The following MALT1 variants were observed in gnomAD, a reference collection of about 807,000 sequenced individuals.
MALT1 encodes the protein MALT1 paracaspase.
MALT1 carries 36 observed loss-of-function variants against 85.5 expected under a neutral mutation model. The ratio of observed to expected loss-of-function variants is 0.42; its 90% CI spans 0.32 to 0.56. The LOEUF is 0.56. Ranked by LOEUF, MALT1 falls within the 20% of genes least tolerant of loss-of-function variation. The probability of loss-of-function intolerance (pLI) is 0.10; values close to 1 mark genes in which losing one functional copy is unlikely to be tolerated. For missense variants in MALT1, 716 were observed against 981.6 expected, an observed-to-expected ratio of 0.73 and a Z score of 3.62; for synonymous variants, 359 against 361.3, an observed-to-expected ratio of 0.99 and a Z score of 0.07.
intron 4 of MALT1, among the ~76,000 whole-genome samples, chr18:58,708,120 C>T (rs2054782753): frequency 6.6e-6 from 1 of 152,228 alleles, no homozygotes; most frequent in Admixed American, 6.5e-5. Context: ...CACTGAGGGC[C>T]TCGTGGGCCT....
Position 58,749,208 on chromosome 18 carries a change from A to G in MALT1, c.*1366A>G, listed in dbSNP as rs1248598305. 1 of 216,992 alleles carries G rather than the reference A, an allele frequency of 4.6e-6. No homozygotes were observed. The highest frequency in any genetic ancestry group is 6.9e-5 in the East Asian group (1 of 14,444). 13.4% of individuals were successfully genotyped at this position (216,992 alleles called of 1,614,324 possible). ...TAAACACTGAATTAAATATGGAACAACTGCTTTTAGGAGAAAGTGTATTTG... is the reference window on the plus strand; with the variant it reads ...TAAACACTGAATTAAATATGGAACAGCTGCTTTTAGGAGAAAGTGTATTTG... On this transcript the variant is annotated 3_prime_UTR_variant, in exon 17 of 17. Transcript: ENST00000649217.
rs576015723 is a variant in MALT1, at chr18:58,689,885, T to A, written c.377-6481T>A. On this transcript the variant is annotated intron_variant, in intron 2 of 16. Coordinates refer to ENST00000649217, the MANE Select transcript of MALT1 (RefSeq NM_006785.4). ...GGTAAGTGGAAAGGCAGAAAAGAGC[T>A]TGGCTTATAGAAGGAAGGAGGCCCA... Among the ~76,000 whole-genome samples the A allele has an allele frequency of 6.9e-3, 1,048 of 152,228 alleles. 8 individuals carry two copies. Among genetic ancestry groups the A allele is most frequent in the Middle Eastern group, 0.014 (4 of 294 alleles).
chr18:58,742,399 G>A (rs2055313360), intron 14 of MALT1, among the ~76,000 whole-genome samples: 1 of 152,094 alleles, frequency 6.6e-6, no homozygotes, highest in Admixed American at 6.6e-5. Context: ...TCTATAACAT[G>A]TAAATAAGAA....
intron 4 of MALT1, among the ~76,000 whole-genome samples, chr18:58,706,824 A>G (rs1244869271): frequency 2.6e-5 from 4 of 151,960 alleles, no homozygotes; most frequent in African/African-American, 9.7e-5. Flanking sequence ...ATGGAAATTT[A>G]TTTATTCCTT....
intron 13 of MALT1, chr18:58,741,527 A>G (rs568386931): frequency 1.3e-5 from 2 of 157,464 alleles, no homozygotes; most frequent in South Asian, 4.1e-4. Context: ...CTTAAATAAT[A>G]TACTTCTAAA....
chr18:58,705,215 T>C (rs965526893), intron 4 of MALT1, among the ~76,000 whole-genome samples: 1 of 152,018 alleles, frequency 6.6e-6, no homozygotes, highest in Non-Finnish European at 1.5e-5. Flanking sequence ...TATACTTTCA[T>C]TGTGCCCCCC....
At chr18:58,723,941 T>C (rs985284916) in intron 10 of MALT1, among the ~76,000 whole-genome samples, 2 of 152,174 alleles carry the variant, frequency 1.3e-5, no homozygotes, top group Non-Finnish European at 2.9e-5. Flanking sequence ...TTTATTTCTT[T>C]CAATATGGGA....
At chr18:58,727,616 G>GTTTTTTGTTTTTTTTTTTTT (rs2055077589) in intron 10 of MALT1, among the ~76,000 whole-genome samples, 1 of 121,264 alleles carries the variant, frequency 8.2e-6, no homozygotes, top group African/African-American at 3.3e-5. Flanking sequence ...GGTTTTTTGT[G>GTTTTTTGTTTTTTTTTTTTT]TTTTTTTTTT....
chr18:58,680,922 T>C (rs1433731304), intron 1 of MALT1, among the ~76,000 whole-genome samples: 1 of 91,488 alleles, frequency 1.1e-5, no homozygotes, highest in African/African-American at 4.3e-5. Context: ...AGAGCGAGAC[T>C]CCGTCTCAAA....
intron 14 of MALT1, among the ~76,000 whole-genome samples, chr18:58,743,177 C>G (rs1331320547): frequency 2.6e-5 from 4 of 152,100 alleles, no homozygotes; most frequent in African/African-American, 9.7e-5. Flanking sequence ...GGGTTCAAGA[C>G]CAGCCTGGCC....
In MALT1 at chr18:58,749,977, G is replaced by A; in HGVS notation, c.*2135G>A. ...AGTTCTAGCCACAGCAGTTAGGTTA[G>A]GAATTCAAGGTTTGTTCAACATCTA... On this transcript the variant is annotated 3_prime_UTR_variant, in exon 17 of 17. Transcript: ENST00000649217. The A allele has an allele frequency of 4.9e-6, 1 of 204,880 alleles. No homozygotes were observed. Among genetic ancestry groups the A allele is most frequent in the Non-Finnish European group, 1.0e-5 (1 of 100,168 alleles). 12.7% of individuals were successfully genotyped at this position (204,880 alleles called of 1,614,324 possible).
rs925795939 is a variant in MALT1 at position 58,713,181 on chromosome 18, C to T, written c.959-902C>T. On this transcript the variant is annotated intron_variant, in intron 7 of 16. Transcript: ENST00000649217. ...TATGTAACATATAAGAATAAAGTTT[C>T]TACATTAAAAAAGTATGAATAGTAT... Among the ~76,000 whole-genome samples, 35 of 152,048 alleles carry T rather than the reference C, an allele frequency of 2.3e-4. 1 individual carries two copies. The highest frequency in any genetic ancestry group is 7.0e-4 in the African/African-American group (29 of 41,456).
At chr18:58,746,467 T>C (rs2055368587) in intron 16 of MALT1, among the ~76,000 whole-genome samples, 1 of 152,218 alleles carries the variant, frequency 6.6e-6, no homozygotes, top group South Asian at 2.1e-4. Flanking sequence ...TTGAGTGTTC[T>C]AATGAAAGCT....
At chr18:58,700,194 G>T (rs1049002168) in intron 3 of MALT1, among the ~76,000 whole-genome samples, 11 of 152,208 alleles carry the variant, frequency 7.2e-5, no homozygotes, top group African/African-American at 2.7e-4. Context: ...CTGTTAGTGA[G>T]CCTTTGGAAG....
At chr18:58,710,790 A>T in intron 6 of MALT1, 131 bp from the exon 7 acceptor site, 1 of 621,744 alleles carries the variant, frequency 1.6e-6, no homozygotes, top group Non-Finnish European at 2.8e-6. Context: ...TATTGTTCAT[A>T]GTTGGAGGTA....
rs2055482859 is a variant in MALT1, at chr18:58,754,212, CAG to C, written c.*6371_*6372del. 1 of 152,214 alleles carries C rather than the reference CAG, an allele frequency of 6.6e-6. No homozygotes were observed. The highest frequency in any genetic ancestry group is 6.5e-5 in the Admixed American group (1 of 15,274). The allele number at this position is 152,214 out of a possible 1,614,324, so 9.4% of individuals were successfully genotyped here. ...AGACCAGAGCCGGGTGTTTTGTCCA[CAG>C]TACTGCTGCTGCTTATACCGTAACG... On this transcript the variant is annotated 3_prime_UTR_variant, in exon 17 of 17. Transcript: ENST00000649217.
rs549364533 is a variant in MALT1, at chr18:58,751,715, G to C, written c.*3873G>C. 3 of 152,250 alleles carry C rather than the reference G, an allele frequency of 2.0e-5. No individual in the cohort carries two copies. In the East Asian group the frequency reaches 5.8e-4, roughly 29 times the overall value. The allele number at this position is 152,250 out of a possible 1,614,324, so 9.4% of individuals were successfully genotyped here. ...TCAATACCAATTAGAATGTAATAAA[G>C]AAATTAGGATAGTGGAGGTTTGAGC... On this transcript the variant is annotated 3_prime_UTR_variant, in exon 17 of 17. Transcript: ENST00000649217.
intron 9 of MALT1, among the ~76,000 whole-genome samples, chr18:58,717,294 T>C (rs760247284): frequency 1.4e-5 from 2 of 143,246 alleles, no homozygotes; most frequent in Admixed American, 1.4e-4. Context: ...ACCCGAGAGG[T>C]GGAGGTTGTG....
At chr18:58,708,445 C>T (rs566427199) in intron 4 of MALT1, among the ~76,000 whole-genome samples, 88 of 152,250 alleles carry the variant, frequency 5.8e-4, no homozygotes, top group African/African-American at 2.0e-3. Context: ...CACTGGTTAC[C>T]CTAATGCCAG....
Sources: gnomAD v4.1 joint callset for allele counts (sites outside exome capture counted in the v4.1 genomes callset) on GRCh38, gnomAD v4.1.1 for gene constraint, MANE v1.5 for transcripts, NCBI Gene and HGNC (gene_info 2026-07-23, HGNC 2026-07-21) for gene names.